Variants in PRKCB observed in about 807,000 individuals in gnomAD.
PRKCB encodes the protein protein kinase C beta.
In PRKCB, 13 loss-of-function variants were observed where a neutral mutation model predicts 81.5. The ratio of observed to expected loss-of-function variants is 0.16; its 90% CI spans 0.10 to 0.25. PRKCB has a LOEUF of 0.25. Ranked by LOEUF, PRKCB falls within the 10% of genes least tolerant of loss-of-function variation. The probability of loss-of-function intolerance (pLI) is 1.00; values close to 1 mark genes in which losing one functional copy is unlikely to be tolerated. For synonymous variants in PRKCB, 335 were observed against 321.4 expected (o/e 1.04, Z -0.45); for missense variants, 509 against 875.7 (o/e 0.58, Z 5.29).
chr16:24,176,667 C>T (rs1178744724), intron 12 of PRKCB, among the ~76,000 whole-genome samples: 2 of 152,066 alleles, frequency 1.3e-5, no homozygotes, highest in East Asian at 1.9e-4. Context: ...CCGAGGCAGG[C>T]GGATTGCCTG....
intron 3 of PRKCB, among the ~76,000 whole-genome samples, chr16:24,011,747 AG>A (rs1965205680): frequency 6.6e-6 from 1 of 152,142 alleles, no homozygotes; most frequent in Non-Finnish European, 1.5e-5. Context: ...AGCCTCCCAA[AG>A]TGCTGGGATT....
chr16:23,980,781 G>C (rs1021090831), intron 2 of PRKCB, among the ~76,000 whole-genome samples: 1 of 149,992 alleles, frequency 6.7e-6, no homozygotes, highest in East Asian at 1.9e-4. Flanking sequence ...TACAAGAGGG[G>C]AATCGACTCC....
At chr16:23,897,919 A>G (rs2012857) in intron 2 of PRKCB, among the ~76,000 whole-genome samples, 146,333 of 151,930 alleles carry the variant, frequency 0.96, 70,503 homozygotes, top group East Asian at 1. Flanking sequence ...TTTATTTTGC[A>G]ATGGAGTCTT....
chr16:24,217,666 C>A lies in PRKCB; in HGVS notation c.*2850C>A. On this transcript the variant is annotated 3_prime_UTR_variant, in exon 17 of 17. Transcript: ENST00000643927. ...CATTAGCCATCACCAGCACAACAAA[C>A]GGGGCAGGGCTTTCCAAGGTGGGGC... 1 of 985,508 alleles carries A rather than the reference C, an allele frequency of 1.0e-6. No individual in the cohort carries two copies. The highest frequency in any genetic ancestry group is 1.2e-6 in the Non-Finnish European group (1 of 830,026). The allele number at this position is 985,508 out of a possible 1,614,324, so 61.0% of individuals were successfully genotyped here.
intron 3 of PRKCB, among the ~76,000 whole-genome samples, chr16:24,017,498 G>GCACA (rs59633203): frequency 6.7e-5 from 10 of 148,352 alleles, no homozygotes; most frequent in African/African-American, 2.2e-4. Flanking sequence ...AAACACGCAG[G>GCACA]CACACACACA....
intron 4 of PRKCB, among the ~76,000 whole-genome samples, chr16:24,034,305 G>T (rs1395997651): frequency 6.6e-6 from 1 of 152,168 alleles, no homozygotes; most frequent in Non-Finnish European, 1.5e-5. Flanking sequence ...GGACTTGGGT[G>T]GTCTGAGAAG....
At chr16:24,194,802 C>G (rs1967854805) in intron 16 of PRKCB, among the ~76,000 whole-genome samples, 1 of 152,162 alleles carries the variant, frequency 6.6e-6, no homozygotes, top group Non-Finnish European at 1.5e-5. Flanking sequence ...CAATGACTTT[C>G]AAAGTACAGT....
intron 2 of PRKCB, among the ~76,000 whole-genome samples, chr16:23,874,292 A>G (rs1281818574): frequency 6.6e-6 from 1 of 152,172 alleles, no homozygotes; most frequent in African/African-American, 2.4e-5. Flanking sequence ...ATAAAACACA[A>G]ATTCTGAAAT....
At chr16:23,950,047 G>T (rs2141777689) in intron 2 of PRKCB, among the ~76,000 whole-genome samples, 1 of 151,564 alleles carries the variant, frequency 6.6e-6, no homozygotes, top group Middle Eastern at 3.4e-3. Context: ...AACCGAAGGA[G>T]CCTCGCCGTG....
rs1555503373 is a variant in PRKCB at position 24,219,241 on chromosome 16, G to GTTTGTTTTGTTTTGTTTTGT, written c.*4428_*4429insGTTTTGTTTTGTTTTGTTTT. ...TACTAGGAGAATCGAGTTGCTTTGA[G>GTTTGTTTTGTTTTGTTTTGT]TTTCTTTTGTTTTGTTTTGTTTTGT... On this transcript the variant is annotated 3_prime_UTR_variant, in exon 17 of 17. Transcript: ENST00000643927. The GTTTGTTTTGTTTTGTTTTGT allele has an allele frequency of 2.5e-6, 2 of 794,114 alleles. No homozygotes were observed. Among genetic ancestry groups the GTTTGTTTTGTTTTGTTTTGT allele is most frequent in the African/African-American group, 7.1e-5 (2 of 28,236 alleles). 49.2% of individuals were successfully genotyped at this position (794,114 alleles called of 1,614,324 possible).
chr16:24,142,076 C>A (rs1966910011), intron 9 of PRKCB, among the ~76,000 whole-genome samples: 1 of 152,166 alleles, frequency 6.6e-6, no homozygotes, highest in Non-Finnish European at 1.5e-5. Flanking sequence ...TCACAACAAC[C>A]TTCTGAGGGA....
At position 23,979,814 on chromosome 16, in the gene PRKCB, C is replaced by T. The variant is rs114579829; in HGVS notation, c.206-8694C>T. 4.1e-3 allele frequency among the ~76,000 whole-genome samples: 628 copies of T among 152,256 alleles called. 3 individuals carry two copies. The highest frequency in any genetic ancestry group is 0.011 in the African/African-American group (472 of 41,540). Reference sequence around the variant, plus strand: ...CAACCTTGGGCAAATTACTTCTCTCCGAGCATCAGTGTCCCTGTTAATATA... The same window carrying T: ...CAACCTTGGGCAAATTACTTCTCTCTGAGCATCAGTGTCCCTGTTAATATA... On this transcript the variant is annotated intron_variant, in intron 2 of 16. Transcript: ENST00000643927.
intron 2 of PRKCB, among the ~76,000 whole-genome samples, chr16:23,882,083 T>TCCTC (rs1963132724): frequency 1.0e-5 from 1 of 97,076 alleles, no homozygotes; most frequent in African/African-American, 3.8e-5. Flanking sequence ...TCTTTCCTTT[T>TCCTC]TTTTTTTTTT....
At chr16:23,846,805 A>G (rs1962377210) in intron 2 of PRKCB, among the ~76,000 whole-genome samples, 1 of 152,072 alleles carries the variant, frequency 6.6e-6, no homozygotes, top group East Asian at 1.9e-4. Context: ...TGTTGTAAGG[A>G]TGCTCAGTGT....
chr16:24,150,777 C>T (rs1281650232), intron 9 of PRKCB, among the ~76,000 whole-genome samples: 1 of 152,184 alleles, frequency 6.6e-6, no homozygotes, highest in Non-Finnish European at 1.5e-5. Flanking sequence ...TCCCGCAAAG[C>T]CTATAATATT....
At chr16:23,983,070 C>G (rs562901947) in intron 2 of PRKCB, among the ~76,000 whole-genome samples, 52 of 150,150 alleles carry the variant, frequency 3.5e-4, no homozygotes, top group African/African-American at 1.3e-3. Context: ...AAAGTAGGGT[C>G]TAGTACATTT....
At chr16:24,189,016 C>G (rs560895323) in intron 15 of PRKCB, among the ~76,000 whole-genome samples, 1 of 152,188 alleles carries the variant, frequency 6.6e-6, no homozygotes, top group Non-Finnish European at 1.5e-5. Flanking sequence ...ACTGCCCTTT[C>G]TTTCCTCCCA....
intron 9 of PRKCB, among the ~76,000 whole-genome samples, chr16:24,126,983 A>G (rs1374770532): frequency 1.4e-5 from 2 of 142,372 alleles, no homozygotes; most frequent in African/African-American, 5.2e-5. Flanking sequence ...TAAATTATAT[A>G]TATATATGCT....
At chr16:23,935,641 A>T (rs1283458593) in intron 2 of PRKCB, among the ~76,000 whole-genome samples, 1 of 152,212 alleles carries the variant, frequency 6.6e-6, no homozygotes, top group Non-Finnish European at 1.5e-5. Context: ...TATTCACAAT[A>T]ACAAAGATAT....
Sources: allele counts gnomAD v4.1 joint callset (sites outside exome capture counted in the v4.1 genomes callset), GRCh38; gene constraint gnomAD v4.1.1; transcripts MANE v1.5; gene names NCBI Gene and HGNC (gene_info 2026-07-23, HGNC 2026-07-21).